ZNF385D: variants seen among roughly 807,000 people sequenced by gnomAD.
ZNF385D encodes zinc finger protein 385D.
ZNF385D carries 15 observed loss-of-function variants against 35.8 expected under a neutral mutation model. The ratio of observed to expected loss-of-function variants is 0.42; its 90% confidence interval spans 0.28 to 0.64. The LOEUF (loss-of-function observed/expected upper bound fraction) is 0.64, where lower values mean the gene tolerates loss of function less well. Among genes scored for constraint, ZNF385D ranks in the 30% least tolerant of loss-of-function variants. ZNF385D has a pLI of 0.23. For synonymous variants in ZNF385D, 212 were observed against 186.8 expected (o/e 1.13, Z -1.10); for missense variants, 474 against 494.6 (o/e 0.96, Z 0.39).
At chr3:22,066,460 C>CTGTGTGTG (rs1699958066) in intron 3 of ZNF385D, among the ~76,000 whole-genome samples, 1 of 48,902 alleles carries the variant, frequency 2.0e-5, no homozygotes, top group South Asian at 6.3e-4. Context: ...AGATGGTTCC[C>CTGTGTGTG]CGTGTGTGTG....
intron 3 of ZNF385D, among the ~76,000 whole-genome samples, chr3:21,775,926 C>T (rs779836332): frequency 1.8e-4 from 28 of 151,564 alleles, no homozygotes; most frequent in Non-Finnish European, 3.4e-4. Context: ...AAAATAAGTA[C>T]TCATAATTCC....
At chr3:22,080,268 G>T (rs1700680589) in intron 3 of ZNF385D, among the ~76,000 whole-genome samples, 1 of 152,064 alleles carries the variant, frequency 6.6e-6, no homozygotes, top group Non-Finnish European at 1.5e-5. Context: ...AAGCACCAAA[G>T]TTCTAATGAT....
chr3:22,273,062 A>C (rs1021966004), intron 2 of ZNF385D, among the ~76,000 whole-genome samples: 1 of 151,996 alleles, frequency 6.6e-6, no homozygotes, highest in Non-Finnish European at 1.5e-5. Context: ...AAGCCAAGGA[A>C]AGAGAGAAAG....
chr3:21,688,674 T>C (rs548220436), intron 1 of ZNF385D, among the ~76,000 whole-genome samples: 56 of 152,290 alleles, frequency 3.7e-4, no homozygotes, highest in African/African-American at 1.3e-3. Flanking sequence ...CCATAAACTA[T>C]TGCTGTCTGA....
intron 3 of ZNF385D, among the ~76,000 whole-genome samples, chr3:22,137,713 A>G: frequency 6.6e-6 from 1 of 152,186 alleles, no homozygotes; most frequent in Non-Finnish European, 1.5e-5. Context: ...GGCCAATATC[A>G]TACTGAATGG....
At chr3:21,635,645 G>A (rs1432429897) in intron 2 of ZNF385D, among the ~76,000 whole-genome samples, 1 of 151,902 alleles carries the variant, frequency 6.6e-6, no homozygotes, top group Non-Finnish European at 1.5e-5. Flanking sequence ...TTGAGATTTT[G>A]TTGCATGCAT....
At chr3:22,156,492 T>C (rs1459482594) in intron 3 of ZNF385D, among the ~76,000 whole-genome samples, 1 of 152,104 alleles carries the variant, frequency 6.6e-6, no homozygotes, top group Admixed American at 6.6e-5. Context: ...AGAACGCTAC[T>C]TGCTTTCATG....
chr3:22,236,447 T>C (rs533878827), intron 2 of ZNF385D, among the ~76,000 whole-genome samples: 27 of 152,178 alleles, frequency 1.8e-4, no homozygotes, highest in Non-Finnish European at 3.5e-4. Context: ...TCCTCCCATC[T>C]AAGCCTCCCA....
intron 3 of ZNF385D, among the ~76,000 whole-genome samples, chr3:21,925,549 A>G (rs1700682985): frequency 6.6e-6 from 1 of 152,196 alleles, no homozygotes; most frequent in Non-Finnish European, 1.5e-5. Context: ...AGAAAAGTTT[A>G]TACATCTAGA....
At chr3:22,249,849 G>A (rs1467603108) in intron 2 of ZNF385D, among the ~76,000 whole-genome samples, 1 of 152,122 alleles carries the variant, frequency 6.6e-6, no homozygotes, top group Non-Finnish European at 1.5e-5. Context: ...AGAGATGGAT[G>A]TATATGCCAT....
chr3:21,819,799 T>C (rs1166590010), intron 3 of ZNF385D, among the ~76,000 whole-genome samples: 1 of 147,140 alleles, frequency 6.8e-6, no homozygotes, highest in Non-Finnish European at 1.5e-5. Context: ...TATACATATA[T>C]ACATAAATAT....
intron 3 of ZNF385D, among the ~76,000 whole-genome samples, chr3:22,079,628 G>A (rs1308794469): frequency 6.6e-6 from 1 of 151,872 alleles, no homozygotes; most frequent in Non-Finnish European, 1.5e-5. Flanking sequence ...CTATATAACA[G>A]GGAGATACTG....
intron 3 of ZNF385D, among the ~76,000 whole-genome samples, chr3:21,900,047 G>C (rs531493647): frequency 6.6e-6 from 1 of 152,276 alleles, no homozygotes; most frequent in South Asian, 2.1e-4. Context: ...AAGCACTTGA[G>C]AAACTGCACT....
intron 2 of ZNF385D, among the ~76,000 whole-genome samples, chr3:22,174,103 T>G (rs1470721819): frequency 6.6e-6 from 1 of 152,012 alleles, no homozygotes; most frequent in Admixed American, 6.6e-5. Context: ...AACTTCATAT[T>G]TGCTTTAGTG....
At chr3:21,814,620 CAAG>C (rs2073069799) in intron 3 of ZNF385D, among the ~76,000 whole-genome samples, 1 of 152,166 alleles carries the variant, frequency 6.6e-6, no homozygotes, top group Non-Finnish European at 1.5e-5. Context: ...ATGATTTCAA[CAAG>C]AAGAGCTAAC....
In ZNF385D at chr3:21,437,060, T is replaced by A. The variant is rs757916166; in HGVS notation, c.583A>T (p.Thr195Ser). ...AGCCGTTTTGCCTTTTCTTCCTCGG[T>A]CTCAGTAGAAGGACATGAGCTATTG... ...TGNSSCPSTE[T>S]EEEKAKRLLY... The change falls in exon 5 of 8, where the codon ACC becomes TCC. Residue 195 changes from threonine to serine, a missense_variant. Transcript: ENST00000281523. The A allele has an allele frequency of 3.7e-6, 6 of 1,614,024 alleles. No homozygotes were observed. Among genetic ancestry groups the A allele is most frequent in the Middle Eastern group, 1.7e-4 (1 of 6,060 alleles).
chr3:21,873,031 C>A (rs1049522733), intron 3 of ZNF385D, among the ~76,000 whole-genome samples: 2 of 151,992 alleles, frequency 1.3e-5, no homozygotes, highest in African/African-American at 2.4e-5. Flanking sequence ...AGTCAAGGTT[C>A]GGCATCATAT....
chr3:22,342,870 A>C (rs1277563891), intron 2 of ZNF385D, among the ~76,000 whole-genome samples: 1 of 152,190 alleles, frequency 6.6e-6, no homozygotes, highest in Non-Finnish European at 1.5e-5. Context: ...TGACTATTCC[A>C]AACCACAGTT....
At chr3:21,587,447 C>T (rs960263733) in intron 2 of ZNF385D, among the ~76,000 whole-genome samples, 1 of 152,168 alleles carries the variant, frequency 6.6e-6, no homozygotes, top group African/African-American at 2.4e-5. Flanking sequence ...AGGCCCCAGG[C>T]TCATTCTTCT....
Sources: allele counts gnomAD v4.1 joint callset (sites outside exome capture counted in the v4.1 genomes callset), GRCh38; gene constraint gnomAD v4.1.1; transcripts MANE v1.5; gene names NCBI Gene and HGNC (gene_info 2026-07-23, HGNC 2026-07-21).